SEC63: variants seen among roughly 807,000 people sequenced by gnomAD.
The protein encoded by SEC63 is translocation protein SEC63 homolog.
A neutral mutation model predicts 116.2 loss-of-function variants in SEC63; 56 were observed. That is an observed-to-expected ratio of 0.48 (90% CI 0.39 to 0.60). The LOEUF (loss-of-function observed/expected upper bound fraction) is 0.60. Among genes scored for constraint, SEC63 ranks in the 20% least tolerant of loss-of-function variants. The pLI is 0.00. For synonymous variants in SEC63, 273 were observed against 294.6 expected (o/e 0.93, Z 0.75); for missense variants, 668 against 900.0 (o/e 0.74, Z 3.30).
At chr6:107,923,147 C>T (rs2114478503) in intron 3 of SEC63, among the ~76,000 whole-genome samples, 1 of 152,246 alleles carries the variant, frequency 6.6e-6, no homozygotes, top group African/African-American at 2.4e-5. Context: ...CTGATAAACA[C>T]AAAAGATTTT....
chr6:107,886,905 A>G (rs1162544702), intron 16 of SEC63, among the ~76,000 whole-genome samples: 2 of 132,328 alleles, frequency 1.5e-5, no homozygotes, highest in Non-Finnish European at 3.2e-5. Flanking sequence ...CCATCTGTCT[A>G]TTTTGGCTTT....
Position 107,900,522 on chromosome 6 carries a change from C to A in SEC63, c.1357+848G>T, listed in dbSNP as rs562060799. On this transcript the variant is annotated intron_variant, in intron 13 of 20. Coordinates refer to ENST00000369002, the MANE Select transcript of SEC63 (RefSeq NM_007214.5). Reference sequence around the variant, plus strand: ...AATTAGCCAGGTATGGTAGTGTGCACCTGTAGTCCCAGCTACTCAGGAGGC... The same window carrying A: ...AATTAGCCAGGTATGGTAGTGTGCAACTGTAGTCCCAGCTACTCAGGAGGC... Among the ~76,000 whole-genome samples the A allele has an allele frequency of 1.6e-4, 25 of 152,150 alleles. No homozygotes were observed. In the East Asian group the frequency reaches 2.5e-3, roughly 15 times the overall value.
chr6:107,886,903 C>A (rs1786543077), intron 16 of SEC63, among the ~76,000 whole-genome samples: 1 of 142,898 alleles, frequency 7.0e-6, no homozygotes, highest in East Asian at 2.1e-4. Flanking sequence ...TCCCATCTGT[C>A]TATTTTGGCT....
At chr6:107,898,929 G>A (rs4636055) in intron 13 of SEC63, among the ~76,000 whole-genome samples, 235 of 152,216 alleles carry the variant, frequency 1.5e-3, no homozygotes, top group African/African-American at 4.7e-3. Context: ...TCCATTACCC[G>A]CTACAAGGTG....
In SEC63 at chr6:107,869,076, A is replaced by G. The variant is rs1786063793; in HGVS notation, c.*2628T>C. 6.6e-6 allele frequency: 1 copy of G among 152,158 alleles called. No individual in the cohort carries two copies. Among genetic ancestry groups the G allele is most frequent in the Non-Finnish European group, 1.5e-5 (1 of 68,086 alleles). The allele number at this position is 152,158 out of a possible 1,614,324, so 9.4% of individuals were successfully genotyped here. Reference sequence around the variant, plus strand: ...CTTCCACCAGAGCCTGAGCTTCCCCATACACAGTGGGACAGTACAGCTGGA... The same window carrying G: ...CTTCCACCAGAGCCTGAGCTTCCCCGTACACAGTGGGACAGTACAGCTGGA... On this transcript the variant is annotated 3_prime_UTR_variant, in exon 21 of 21. Coordinates refer to ENST00000369002, the MANE Select transcript of SEC63 (RefSeq NM_007214.5).
At chr6:107,876,935 T>C in intron 18 of SEC63, 1 of 377,898 alleles carries the variant, frequency 2.6e-6, no homozygotes, top group South Asian at 3.1e-5. Flanking sequence ...AAACCCTGAC[T>C]AACCTTAAGT....
Position 107,944,842 on chromosome 6 carries a change from T to C in SEC63, c.124+13044A>G, listed in dbSNP as rs73501210. On this transcript the variant is annotated intron_variant, in intron 1 of 20. Coordinates refer to ENST00000369002, the MANE Select transcript of SEC63 (RefSeq NM_007214.5). ...GACTATGTTTATACTGCATTCATCA[T>C]TGTATCATCTGCTGTACCTGTACGG... Among the ~76,000 whole-genome samples the C allele has an allele frequency of 8.7e-3, 1,325 of 152,308 alleles. 17 individuals carry two copies. Among genetic ancestry groups the C allele is most frequent in the African/African-American group, 0.031 (1,271 of 41,568 alleles).
rs1260719377 is a variant in SEC63, at chr6:107,921,745, C to T, written c.452+52G>A. 4.5e-5 allele frequency: 52 copies of T among 1,148,090 alleles called. No individual in the cohort carries two copies. In the Middle Eastern group the frequency reaches 7.7e-4, roughly 17 times the overall value. 71.1% of individuals were successfully genotyped at this position (1,148,090 alleles called of 1,614,324 possible). A position where few individuals can be genotyped will look rare whatever the true frequency, so the allele number is the denominator to read the frequency against. ...GGGATTACAGGCATGAACCACTGCACCTGGCTTATCTGTACCATTCTTAAA... is the reference window on the plus strand; with the variant it reads ...GGGATTACAGGCATGAACCACTGCATCTGGCTTATCTGTACCATTCTTAAA... On this transcript the variant is annotated intron_variant, in intron 4 of 20. Transcript: ENST00000369002.
At chr6:107,879,620 C>T (rs551757844) in intron 18 of SEC63, among the ~76,000 whole-genome samples, 1 of 152,064 alleles carries the variant, frequency 6.6e-6, no homozygotes, top group South Asian at 2.1e-4. Flanking sequence ...CCACTGCACT[C>T]GGCCCTAAAT....
chr6:107,917,100 C>T (rs1173284124), intron 4 of SEC63, among the ~76,000 whole-genome samples: 1 of 152,214 alleles, frequency 6.6e-6, no homozygotes, highest in Non-Finnish European at 1.5e-5. Flanking sequence ...GAGCAGAAAA[C>T]TGCTTAAAGG....
chr6:107,875,065 C>A (rs939514530), intron 19 of SEC63, among the ~76,000 whole-genome samples: 1 of 151,976 alleles, frequency 6.6e-6, no homozygotes, highest in Non-Finnish European at 1.5e-5. Context: ...GGTCTCACCA[C>A]GTTGCCCAGA....
intron 1 of SEC63, among the ~76,000 whole-genome samples, chr6:107,942,706 G>A (rs1044950257): frequency 5.9e-5 from 9 of 152,118 alleles, no homozygotes; most frequent in African/African-American, 1.9e-4. Context: ...ATAGCCTACC[G>A]TTGACTGGAA....
chr6:107,947,967 A>C (rs1770509648), intron 1 of SEC63, among the ~76,000 whole-genome samples: 1 of 152,218 alleles, frequency 6.6e-6, no homozygotes, highest in Non-Finnish European at 1.5e-5. Flanking sequence ...CTTACAGGAT[A>C]AAGTATAACC....
intron 18 of SEC63, among the ~76,000 whole-genome samples, chr6:107,878,108 C>G (rs1786323466): frequency 6.6e-6 from 1 of 152,206 alleles, no homozygotes; most frequent in Admixed American, 6.5e-5. Flanking sequence ...TGGCTGTGTT[C>G]TAATAAAACT....
At chr6:107,953,211 G>C (rs1770615941) in intron 1 of SEC63, among the ~76,000 whole-genome samples, 1 of 152,214 alleles carries the variant, frequency 6.6e-6, no homozygotes, top group African/African-American at 2.4e-5. Flanking sequence ...AGTGAGCCGA[G>C]ATCACGCCAC....
At chr6:107,877,378 T>C (rs1046221226) in intron 18 of SEC63, 8 of 152,172 alleles carry the variant, frequency 5.3e-5, no homozygotes, top group African/African-American at 4.8e-5. Context: ...AAACTCTCAA[T>C]TGTCCGAAAT....
intron 14 of SEC63, among the ~76,000 whole-genome samples, chr6:107,895,307 C>T (rs1478930096): frequency 1.3e-5 from 2 of 152,164 alleles, no homozygotes; most frequent in Non-Finnish European, 1.5e-5. Flanking sequence ...GGTTTCAGTT[C>T]CTCTTCTCCC....
chr6:107,939,049 G>A (rs1378878790), intron 1 of SEC63, among the ~76,000 whole-genome samples: 1 of 152,162 alleles, frequency 6.6e-6, no homozygotes, highest in African/African-American at 2.4e-5. Context: ...TTAGGAGGCT[G>A]AGGCAGGAGG....
At chr6:107,907,880 G>A (rs1175016738) in intron 8 of SEC63, among the ~76,000 whole-genome samples, 2 of 152,162 alleles carry the variant, frequency 1.3e-5, no homozygotes, top group African/African-American at 4.8e-5. Context: ...ACAAAGCTGT[G>A]TAAGGATACC....
Sources: gnomAD v4.1 joint callset for allele counts (sites outside exome capture counted in the v4.1 genomes callset) on GRCh38, gnomAD v4.1.1 for gene constraint, MANE v1.5 for transcripts, NCBI Gene and HGNC (gene_info 2026-07-23, HGNC 2026-07-21) for gene names.